CACNA2D3: variants seen among roughly 807,000 people sequenced by gnomAD.
CACNA2D3 encodes the protein calcium voltage-gated channel auxiliary subunit alpha2delta 3, also known as voltage-dependent calcium channel subunit alpha-2/delta-3.
Under a neutral mutation model 160.6 loss-of-function variants are expected in CACNA2D3, and 60 were observed. That is an observed-to-expected ratio of 0.37 (90% CI 0.30 to 0.46). The LOEUF (loss-of-function observed/expected upper bound fraction) is 0.46, where lower values mean the gene tolerates loss of function less well. Ranked by LOEUF, CACNA2D3 falls within the 20% of genes least tolerant of loss-of-function variation. The pLI is 1.00. For synonymous variants in CACNA2D3, 558 were observed against 492.9 expected (o/e 1.13, Z -1.75); for missense variants, 1,205 against 1,365.0 (o/e 0.88, Z 1.85).
At chr3:54,672,619 A>G (rs1700180290) in intron 11 of CACNA2D3, among the ~76,000 whole-genome samples, 1 of 152,228 alleles carries the variant, frequency 6.6e-6, no homozygotes, top group South Asian at 2.1e-4. Flanking sequence ...TTAACTCAGC[A>G]TCACATCTAT....
At chr3:55,052,370 A>T (rs935538500) in intron 35 of CACNA2D3, among the ~76,000 whole-genome samples, 5 of 151,896 alleles carry the variant, frequency 3.3e-5, no homozygotes, top group African/African-American at 1.2e-4. Flanking sequence ...AACTTTGTGA[A>T]TATTCCATAT....
At chr3:54,635,762 CTGAA>C (rs1463783890) in intron 10 of CACNA2D3, among the ~76,000 whole-genome samples, 1 of 151,712 alleles carries the variant, frequency 6.6e-6, no homozygotes, top group African/African-American at 2.4e-5. Flanking sequence ...AAAGGTTTCA[CTGAA>C]TACTAAGAGC....
chr3:54,514,490 C>A (rs937744529), intron 5 of CACNA2D3, among the ~76,000 whole-genome samples: 3 of 152,192 alleles, frequency 2.0e-5, no homozygotes, highest in African/African-American at 7.2e-5. Context: ...ATGCCAGACG[C>A]TGCATGGGTG....
intron 29 of CACNA2D3, among the ~76,000 whole-genome samples, chr3:54,980,253 C>T (rs891053591): frequency 6.6e-6 from 1 of 152,132 alleles, no homozygotes; most frequent in Admixed American, 6.6e-5. Flanking sequence ...TAACCCTTTA[C>T]ATTTTTTTGT....
intron 5 of CACNA2D3, among the ~76,000 whole-genome samples, chr3:54,552,445 A>AC (rs1205280793): frequency 6.7e-6 from 1 of 150,166 alleles, no homozygotes; most frequent in Non-Finnish European, 1.5e-5. Context: ...GCTTTCTCCC[A>AC]CCCCCTGTGT....
intron 4 of CACNA2D3, among the ~76,000 whole-genome samples, chr3:54,476,422 C>T (rs1298804850): frequency 2.6e-5 from 4 of 151,918 alleles, no homozygotes; most frequent in African/African-American, 7.3e-5. Flanking sequence ...GATATACACC[C>T]AGAAATGAGA....
At chr3:54,687,140 T>TTTTG (rs1700475076) in intron 11 of CACNA2D3, among the ~76,000 whole-genome samples, 8 of 69,676 alleles carry the variant, frequency 1.1e-4, no homozygotes, top group African/African-American at 2.4e-4. Context: ...TTTTTGTTTT[T>TTTTG]TTTTTTTTTT....
chr3:54,816,341 T>G (rs2106712320), intron 13 of CACNA2D3, among the ~76,000 whole-genome samples: 1 of 152,304 alleles, frequency 6.6e-6, no homozygotes, highest in Admixed American at 6.5e-5. Context: ...CTGGGCAGTT[T>G]GTTTTTGTGG....
At chr3:54,183,893 A>AAG (rs1700830808) in intron 2 of CACNA2D3, among the ~76,000 whole-genome samples, 1 of 10,820 alleles carries the variant, frequency 9.2e-5, no homozygotes, top group Non-Finnish European at 1.6e-4. Flanking sequence ...CTCAAAAAAG[A>AAG]AAAAAAAAAA....
At chr3:54,692,663 A>C (rs1051206335) in intron 11 of CACNA2D3, among the ~76,000 whole-genome samples, 4 of 152,198 alleles carry the variant, frequency 2.6e-5, no homozygotes, top group African/African-American at 4.8e-5. Context: ...CTCTGGACAC[A>C]ACCCATCAAC....
chr3:54,329,879 G>T (rs1037586480), intron 3 of CACNA2D3, among the ~76,000 whole-genome samples: 1 of 152,164 alleles, frequency 6.6e-6, no homozygotes, highest in African/African-American at 2.4e-5. Context: ...GGTGGCATTG[G>T]TTGTACTTTT....
chr3:54,671,132 G>T (rs891543214), intron 11 of CACNA2D3, among the ~76,000 whole-genome samples: 1 of 151,478 alleles, frequency 6.6e-6, no homozygotes, highest in Admixed American at 6.6e-5. Context: ...GGTACTTCAC[G>T]CATTTTCACA....
intron 4 of CACNA2D3, among the ~76,000 whole-genome samples, chr3:54,433,132 C>T (rs1017144351): frequency 4.6e-5 from 7 of 152,072 alleles, no homozygotes; most frequent in Admixed American, 6.5e-5. Context: ...AACATTCCAA[C>T]GCTGGAGGTT....
chr3:54,646,624 T>A (rs1425598239), intron 11 of CACNA2D3, among the ~76,000 whole-genome samples: 1 of 152,196 alleles, frequency 6.6e-6, no homozygotes, highest in Non-Finnish European at 1.5e-5. Flanking sequence ...ATGTGTGGTA[T>A]ATGTACCACA....
intron 4 of CACNA2D3, among the ~76,000 whole-genome samples, chr3:54,387,579 G>A (rs1212268426): frequency 6.6e-6 from 1 of 152,184 alleles, no homozygotes; most frequent in African/African-American, 2.4e-5. Context: ...TTGAACCTGG[G>A]CAGCAGACGT....
At chr3:54,955,341 A>G (rs150891905) in intron 27 of CACNA2D3, among the ~76,000 whole-genome samples, 9 of 152,246 alleles carry the variant, frequency 5.9e-5, no homozygotes, top group African/African-American at 2.2e-4. Flanking sequence ...AGAACAGATG[A>G]AAAGTCTGTC....
At chr3:54,386,471 GT>G (rs1699187947) in intron 3 of CACNA2D3, among the ~76,000 whole-genome samples, 1 of 152,160 alleles carries the variant, frequency 6.6e-6, no homozygotes, top group Non-Finnish European at 1.5e-5. Flanking sequence ...TGCAGAACAC[GT>G]GTGCATTTAT....
intron 2 of CACNA2D3, among the ~76,000 whole-genome samples, chr3:54,275,568 T>C (rs1702721709): frequency 1.3e-5 from 2 of 152,214 alleles, no homozygotes; most frequent in African/African-American, 4.8e-5. Flanking sequence ...GTGATGAGAA[T>C]GAATGCTGTT....
At chr3:54,487,148 CTTGAGCCCAGGAGT>C (rs769663158) in intron 4 of CACNA2D3, among the ~76,000 whole-genome samples, 16 of 152,248 alleles carry the variant, frequency 1.1e-4, no homozygotes, top group Admixed American at 5.2e-4. Flanking sequence ...GGGAGGATCC[CTTGAGCCCAGGAGT>C]TTGAGACCAG....
Sources: gnomAD v4.1 joint callset for allele counts (sites outside exome capture counted in the v4.1 genomes callset) on GRCh38, gnomAD v4.1.1 for gene constraint, MANE v1.5 for transcripts, NCBI Gene and HGNC (gene_info 2026-07-23, HGNC 2026-07-21) for gene names.